ZCCHC4: variants seen among roughly 807,000 people sequenced by gnomAD.
The protein encoded by ZCCHC4 is rRNA N(6)-adenosine-methyltransferase ZCCHC4.
A neutral mutation model predicts 67.7 loss-of-function variants in ZCCHC4; 54 were observed. That is an observed-to-expected ratio of 0.80 (90% CI 0.64 to 1.00). The LOEUF (loss-of-function observed/expected upper bound fraction) is 1.00. Among genes scored for constraint, ZCCHC4 ranks in the 50% least tolerant of loss-of-function variants. The pLI, the probability that ZCCHC4 is intolerant of heterozygous loss-of-function variation, is 0.00. For synonymous variants in ZCCHC4, 198 were observed against 213.5 expected, an observed-to-expected ratio of 0.93 and a Z score of 0.63; for missense variants, 609 against 617.0, an observed-to-expected ratio of 0.99 and a Z score of 0.14.
intron 6 of ZCCHC4, among the ~76,000 whole-genome samples, chr4:25,348,501 G>T (rs2109080550): frequency 6.6e-6 from 1 of 152,288 alleles, no homozygotes. Context: ...GGAAAAAAAG[G>T]ATGGTGGTGA....
At position 25,362,294 on chromosome 4, in the gene ZCCHC4, C is replaced by T. The variant is rs779145506; in HGVS notation, c.1202C>T (p.Thr401Ile). Residue 401 changes from threonine (T) to isoleucine (I), a missense_variant, in exon 10 of 13, where the codon ACA becomes ATA. Transcript: ENST00000302874. ...NQHCELCNSC[T>I]SKDGRKWNHC... is the part of the protein sequence containing the mutation. ...CACTGTGAGCTCTGTAATTCTTGCA[C>T]ATCCAAGGTATGGTGTTCTTATAGA... 81 of 1,598,724 alleles carry T rather than the reference C, an allele frequency of 5.1e-5. No homozygotes were observed. Among genetic ancestry groups the T allele is most frequent in the Non-Finnish European group, 6.5e-5 (76 of 1,170,300 alleles).
intron 5 of ZCCHC4, among the ~76,000 whole-genome samples, chr4:25,344,673 C>T (rs1271482677): frequency 6.6e-6 from 1 of 151,524 alleles, no homozygotes; most frequent in Non-Finnish European, 1.5e-5. Flanking sequence ...CAAAATAATT[C>T]AATCAGTAAA....
intron 1 of ZCCHC4, 137 bp from the exon 2 acceptor site, chr4:25,313,909 C>A: frequency 1.6e-6 from 1 of 610,812 alleles, no homozygotes; most frequent in Non-Finnish European, 2.9e-6. Flanking sequence ...AAACAACCAA[C>A]CAAAGAGATG....
chr4:25,366,785 TTTGATACTC>T (rs1240745783), intron 12 of ZCCHC4, among the ~76,000 whole-genome samples: 1 of 152,206 alleles, frequency 6.6e-6, no homozygotes, highest in East Asian at 1.9e-4. Flanking sequence ...CAATTTGCAT[TTTGATACTC>T]TATTGTAGGC....
At chr4:25,349,419 T>C (rs1042667589) in intron 6 of ZCCHC4, 73 bp from the exon 7 acceptor site, 1 of 1,448,142 alleles carries the variant, frequency 6.9e-7, no homozygotes, top group African/African-American at 1.4e-5. Flanking sequence ...CTGAGTCTAA[T>C]GCATTCTCCT....
At chr4:25,324,014 GTTT>G (rs71188998) in intron 3 of ZCCHC4, among the ~76,000 whole-genome samples, 3 of 82,446 alleles carry the variant, frequency 3.6e-5, no homozygotes, top group Admixed American at 1.7e-4. Flanking sequence ...TGTTTTTTGT[GTTT>G]TTTTTTTTTT....
intron 10 of ZCCHC4, among the ~76,000 whole-genome samples, chr4:25,362,660 ATAAT>A (rs1422790576): frequency 6.6e-6 from 1 of 152,194 alleles, no homozygotes; most frequent in East Asian, 1.9e-4. Context: ...TTCTGATGAA[ATAAT>A]TAATAACATG....
At chr4:25,345,450 A>T (rs1383571418) in intron 5 of ZCCHC4, 98 bp from the exon 6 acceptor site, 3 of 762,832 alleles carry the variant, frequency 3.9e-6, no homozygotes, top group Non-Finnish European at 6.4e-6. Flanking sequence ...TAAAAAATGA[A>T]ATTTTTTAAA....
intron 5 of ZCCHC4, among the ~76,000 whole-genome samples, chr4:25,336,646 G>A (rs1316782396): frequency 1.3e-5 from 2 of 152,098 alleles, no homozygotes; most frequent in African/African-American, 4.8e-5. Flanking sequence ...GCTGCCATGT[G>A]CAGCTAATTT....
At chr4:25,356,324 TAGG>T (rs1252795141) in intron 8 of ZCCHC4, among the ~76,000 whole-genome samples, 20 of 152,350 alleles carry the variant, frequency 1.3e-4, no homozygotes, top group African/African-American at 4.8e-4. Flanking sequence ...AGCACTTCCA[TAGG>T]AGGTTTATTT....
At chr4:25,360,393 G>A (rs1720683603) in intron 8 of ZCCHC4, among the ~76,000 whole-genome samples, 1 of 152,258 alleles carries the variant, frequency 6.6e-6, no homozygotes, top group East Asian at 1.9e-4. Context: ...GGGGCCAATA[G>A]CAGTGCATAG....
intron 3 of ZCCHC4, among the ~76,000 whole-genome samples, chr4:25,323,899 C>G (rs576629070): frequency 3.3e-5 from 5 of 152,150 alleles, no homozygotes; most frequent in Admixed American, 3.3e-4. Context: ...ATTCTATATC[C>G]CTGCACCCCT....
At chr4:25,364,594 C>A (rs150935198) in intron 11 of ZCCHC4, 89 bp downstream of exon 11, 30 of 1,160,620 alleles carry the variant, frequency 2.6e-5, no homozygotes, top group African/African-American at 6.5e-5. Flanking sequence ...GATTTATAAA[C>A]GAAAAAATAA....
rs77834394 is a variant in ZCCHC4, at chr4:25,336,636, G to A, written c.686+2648G>A. ...CCAGCAGCTGGGATTAGAGGCGTGCGCTGCCATGTGCAGCTAATTTTTGTA... is the reference window on the plus strand; with the variant it reads ...CCAGCAGCTGGGATTAGAGGCGTGCACTGCCATGTGCAGCTAATTTTTGTA... On this transcript the variant is annotated intron_variant, in intron 5 of 12. Coordinates refer to ENST00000302874, the MANE Select transcript of ZCCHC4 (RefSeq NM_024936.3). 3.3e-4 allele frequency among the ~76,000 whole-genome samples: 50 copies of A among 152,288 alleles called. 2 individuals are homozygous for A. In the East Asian group the frequency reaches 5.4e-3, roughly 16 times the overall value.
chr4:25,364,470 A>G lies in ZCCHC4; in HGVS notation c.1226A>G (p.Asn409Ser). 3 of 1,541,368 alleles carry G rather than the reference A, an allele frequency of 1.9e-6. No individual in the cohort carries two copies. Among genetic ancestry groups the G allele is most frequent in the Non-Finnish European group, 1.7e-6 (2 of 1,149,384 alleles). Residue 409 changes from asparagine (N) to serine (S), a missense_variant, in exon 11 of 13, where the codon AAC becomes AGC. Coordinates refer to ENST00000302874, the MANE Select transcript of ZCCHC4 (RefSeq NM_024936.3). ...TTTTGGTAGGATGGCAGGAAATGGA[A>G]CCATTGCTTTCTCTGTAAAAAGTGT... ...SCTSKDGRKW[N>S]HCFLCKKCVK...
Position 25,355,803 on chromosome 4 carries a change from G to A in ZCCHC4, c.1011+4114G>A, listed in dbSNP as rs145040900. On this transcript the variant is annotated intron_variant, in intron 8 of 12. Coordinates refer to ENST00000302874, the MANE Select transcript of ZCCHC4 (RefSeq NM_024936.3). ...AAGTAAAAAGGGGTATAAGATGTCC[G>A]CATGTCAATTTCAAATGAGAGCTTA... Among the ~76,000 whole-genome samples, 414 of 152,272 alleles carry A rather than the reference G, an allele frequency of 2.7e-3. 2 individuals carry two copies. The highest frequency in any genetic ancestry group is 9.2e-3 in the African/African-American group (383 of 41,552).
At chr4:25,355,098 A>G (rs939871039) in intron 8 of ZCCHC4, among the ~76,000 whole-genome samples, 16 of 152,182 alleles carry the variant, frequency 1.1e-4, no homozygotes, top group Non-Finnish European at 1.5e-5. Flanking sequence ...CTTGATGAAT[A>G]CAGAATAAAA....
At chr4:25,324,676 G>A (rs977936212) in intron 3 of ZCCHC4, among the ~76,000 whole-genome samples, 3 of 152,188 alleles carry the variant, frequency 2.0e-5, no homozygotes, top group East Asian at 1.9e-4. Context: ...TATCAGCAAC[G>A]TACGAGGAAT....
At chr4:25,318,488 G>A (rs931462935) in intron 3 of ZCCHC4, among the ~76,000 whole-genome samples, 1 of 151,260 alleles carries the variant, frequency 6.6e-6, no homozygotes, top group Non-Finnish European at 1.5e-5. Context: ...CTCAGTAGCT[G>A]GGATTACAGG....
Sources: gnomAD v4.1 joint callset for allele counts (sites outside exome capture counted in the v4.1 genomes callset) on GRCh38, gnomAD v4.1.1 for gene constraint, MANE v1.5 for transcripts, NCBI Gene and HGNC (gene_info 2026-07-23, HGNC 2026-07-21) for gene names.